PIK3R1: variants seen among roughly 807,000 people sequenced by gnomAD.
PIK3R1 encodes the protein phosphatidylinositol 3-kinase regulatory subunit alpha.
A neutral mutation model predicts 98.0 loss-of-function variants in PIK3R1; 29 were observed. The observed-to-expected ratio is 0.30, with a 90% CI of 0.22 to 0.40. The LOEUF is 0.40. PIK3R1 is among the 10% of genes least tolerant of loss of function. PIK3R1 has a pLI of 1.00. For synonymous variants in PIK3R1, 282 were observed against 311.8 expected, an observed-to-expected ratio of 0.90 and a Z score of 1.01; for missense variants, 596 against 872.7, an observed-to-expected ratio of 0.68 and a Z score of 3.99.
In PIK3R1 at chr5:68,298,601, C is replaced by A. The variant is rs1580271052; in HGVS notation, c.*1000C>A. 1 of 231,774 alleles carries A rather than the reference C, an allele frequency of 4.3e-6. No individual in the cohort carries two copies. The allele number at this position is 231,774 out of a possible 1,614,324, so 14.4% of individuals were successfully genotyped here. A position where few individuals can be genotyped will look rare whatever the true frequency, so the allele number is the denominator to read the frequency against. ...AAAAAAAATGGCTTCAGAATTAAAACTATGAAATATTTTACAGTTTTTCTT... is the reference window on the plus strand; with the variant it reads ...AAAAAAAATGGCTTCAGAATTAAAAATATGAAATATTTTACAGTTTTTCTT... On this transcript the variant is annotated 3_prime_UTR_variant, in exon 16 of 16. Transcript: ENST00000521381.
intron 2 of PIK3R1, among the ~76,000 whole-genome samples, chr5:68,262,610 T>TACCTACATGC (rs1745832603): frequency 6.9e-6 from 1 of 144,768 alleles, no homozygotes; most frequent in Admixed American, 6.8e-5. Flanking sequence ...TATACACATG[T>TACCTACATGC]ATACACATGT....
chr5:68,288,425 G>C (rs1747174260), intron 7 of PIK3R1: 1 of 1,245,024 alleles, frequency 8.0e-7, no homozygotes, highest in South Asian at 2.8e-5. Context: ...CGATACAGTA[G>C]CGAAATCCAG....
chr5:68,276,034 G>A (rs536397718), intron 4 of PIK3R1, among the ~76,000 whole-genome samples: 3 of 152,250 alleles, frequency 2.0e-5, no homozygotes, highest in African/African-American at 7.2e-5. Context: ...ACATTTTTCA[G>A]TGCCTTAGTG....
At chr5:68,248,878 G>T (rs936684719) in intron 2 of PIK3R1, among the ~76,000 whole-genome samples, 1 of 152,194 alleles carries the variant, frequency 6.6e-6, no homozygotes, top group African/African-American at 2.4e-5. Context: ...AAACAGAAGA[G>T]TGGTTGGAGT....
At chr5:68,281,794 G>T (rs192980659) in intron 7 of PIK3R1, among the ~76,000 whole-genome samples, 2 of 152,104 alleles carry the variant, frequency 1.3e-5, no homozygotes, top group Non-Finnish European at 2.9e-5. Context: ...TTTATTATAG[G>T]TAATATATGC....
chr5:68,275,297 C>A (rs900476603), intron 4 of PIK3R1, among the ~76,000 whole-genome samples: 1 of 152,104 alleles, frequency 6.6e-6, no homozygotes, highest in Non-Finnish European at 1.5e-5. Flanking sequence ...GCTTGTTTTT[C>A]GGTGTTTCTG....
rs748433931 is a variant in PIK3R1 at position 68,226,745 on chromosome 5, T to G, written c.70T>G (p.Leu24Val). The G allele has an allele frequency of 6.2e-7, 1 of 1,614,170 alleles. No individual in the cohort carries two copies. Among genetic ancestry groups the G allele is most frequent in the Non-Finnish European group, 8.5e-7 (1 of 1,180,010 alleles). Residue 24 changes from leucine to valine, a missense_variant, in exon 2 of 16, where the codon TTG becomes GTG. Transcript: ENST00000521381. ...AAAGGAAAGAGAAGAAGATATTGAC[T>G]TGCACTTGGGTGACATATTGACTGT... ...YKKEREEDID[L>V]HLGDILTVNK...
chr5:68,263,030 T>C (rs1745936115), intron 2 of PIK3R1, among the ~76,000 whole-genome samples: 2 of 117,340 alleles, frequency 1.7e-5, no homozygotes, highest in African/African-American at 6.6e-5. Flanking sequence ...TACATGTAGA[T>C]ACATGTATAC....
chr5:68,243,853 A>G (rs1744961972), intron 2 of PIK3R1, among the ~76,000 whole-genome samples: 1 of 152,188 alleles, frequency 6.6e-6, no homozygotes, highest in Admixed American at 6.5e-5. Flanking sequence ...ACTATGTAAA[A>G]TGGCTCCTTA....
intron 4 of PIK3R1, among the ~76,000 whole-genome samples, chr5:68,276,260 G>A (rs536848686): frequency 7.2e-5 from 11 of 152,132 alleles, no homozygotes; most frequent in South Asian, 2.1e-4. Context: ...AGCTTGTCCC[G>A]TGCATTGTGG....
rs1023591293 is a variant in PIK3R1, at chr5:68,237,795, C to T, written c.334+10786C>T. Among the ~76,000 whole-genome samples, 7 of 152,018 alleles carry T rather than the reference C, an allele frequency of 4.6e-5. No individual in the cohort carries two copies. The East Asian group carries it at 9.6e-4, about 21-fold the overall frequency. ...ATGCCTACTGTAAACTCAACAGAAC[C>T]GGGGTTAAAAAATATAGGATAAGTT... is the stretch of plus-strand genomic sequence containing the variant. On this transcript the variant is annotated intron_variant, in intron 2 of 15. Transcript: ENST00000521381.
At chr5:68,293,259 T>C in intron 9 of PIK3R1, 44 bp from the exon 10 acceptor site, 1 of 1,595,582 alleles carries the variant, frequency 6.3e-7, no homozygotes, top group Non-Finnish European at 8.6e-7. Context: ...CATATTTCCT[T>C]ATTCCAAAAT....
Position 68,293,649 on chromosome 5 carries a change from G to C in PIK3R1, c.1300-60G>C, listed in dbSNP as rs1400762319. 4 of 1,267,078 alleles carry C rather than the reference G, an allele frequency of 3.2e-6. No homozygotes were observed. The African/African-American group carries it at 6.0e-5, about 19-fold the overall frequency. The allele number at this position is 1,267,078 out of a possible 1,614,324, so 78.5% of individuals were successfully genotyped here. A position where few individuals can be genotyped will look rare whatever the true frequency, so the allele number is the denominator to read the frequency against. ...AAGATGTTTCCATGTCAGCTATTTT[G>C]TTAAACAATTGTTATTTGATTAAAT... On this transcript the variant is annotated intron_variant, in intron 10 of 15. Coordinates refer to ENST00000521381, the MANE Select transcript of PIK3R1 (RefSeq NM_181523.3).
intron 2 of PIK3R1, among the ~76,000 whole-genome samples, chr5:68,238,495 CAG>C (rs1744747411): frequency 6.6e-6 from 1 of 151,782 alleles, no homozygotes; most frequent in Non-Finnish European, 1.5e-5. Flanking sequence ...ATGAAAGGGA[CAG>C]AAAGTAGTCA....
chr5:68,233,560 A>G (rs1387791253), intron 2 of PIK3R1, among the ~76,000 whole-genome samples: 1 of 152,236 alleles, frequency 6.6e-6, no homozygotes, highest in East Asian at 1.9e-4. Context: ...ATATCAGACT[A>G]CTTTATAAAT....
intron 2 of PIK3R1, among the ~76,000 whole-genome samples, chr5:68,248,549 T>C (rs1414911844): frequency 6.6e-6 from 1 of 152,208 alleles, no homozygotes; most frequent in Non-Finnish European, 1.5e-5. Context: ...GCCAATACTG[T>C]TTTGTTAGTG....
intron 5 of PIK3R1, 61 bp downstream of exon 5, chr5:68,279,794 A>G (rs771589348): frequency 6.5e-7 from 1 of 1,527,150 alleles, no homozygotes; most frequent in South Asian, 1.1e-5. Flanking sequence ...AGGTGCTTGT[A>G]TATGTCTTGC....
At chr5:68,224,730 C>T (rs541880003) in intron 1 of PIK3R1, among the ~76,000 whole-genome samples, 32 of 152,304 alleles carry the variant, frequency 2.1e-4, no homozygotes, top group Admixed American at 1.6e-3. Context: ...GTGCAGCCAG[C>T]TTAACTGAAA....
At chr5:68,269,838 C>T (rs752963736) in intron 2 of PIK3R1, among the ~76,000 whole-genome samples, 5 of 151,548 alleles carry the variant, frequency 3.3e-5, no homozygotes, top group African/African-American at 7.3e-5. Flanking sequence ...TGGATTGACT[C>T]GCAGACATTT....
Sources: allele counts gnomAD v4.1 joint callset (sites outside exome capture counted in the v4.1 genomes callset), GRCh38; gene constraint gnomAD v4.1.1; transcripts MANE v1.5; gene names NCBI Gene and HGNC (gene_info 2026-07-23, HGNC 2026-07-21).